The following EXOC4 variants were observed in gnomAD, a reference collection of about 807,000 sequenced individuals.
EXOC4 encodes the protein SEC8-like 1.
EXOC4 carries 71 observed loss-of-function variants against 107.2 expected under a neutral mutation model. That is an observed-to-expected ratio of 0.66 (90% CI 0.55 to 0.81). EXOC4 has a LOEUF of 0.81. Among genes scored for constraint, EXOC4 ranks in the 30% least tolerant of loss-of-function variants. The pLI is 0.00. For missense variants in EXOC4, 1,108 were observed against 1,189.6 expected (o/e 0.93, Z 1.01); for synonymous variants, 456 against 441.2 (o/e 1.03, Z -0.42).
intron 10 of EXOC4, among the ~76,000 whole-genome samples, chr7:133,751,293 T>G (rs1231903612): frequency 1.3e-5 from 2 of 152,166 alleles, no homozygotes; most frequent in Non-Finnish European, 2.9e-5. Context: ...TAGTCACATT[T>G]CTAAGCAGAT....
rs1172098367 is a variant in EXOC4 at position 133,382,499 on chromosome 7, TAC to T, written c.1182+7499_1182+7500del. Among the ~76,000 whole-genome samples the T allele has an allele frequency of 2.0e-5, 3 of 152,156 alleles. No homozygotes were observed. In the East Asian group the frequency reaches 5.8e-4, roughly 29 times the overall value. On this transcript the variant is annotated intron_variant, in intron 7 of 17. Coordinates refer to ENST00000253861, the MANE Select transcript of EXOC4 (RefSeq NM_021807.4). ...GAAGATTTTTGGTTAAGTTTCTATG[TAC>T]AGTTTTACACATGGGGCTGATTTAG...
At chr7:133,896,720 C>G (rs7810870) in intron 12 of EXOC4, among the ~76,000 whole-genome samples, 21,126 of 147,272 alleles carry the variant, frequency 0.14, 1,832 homozygotes, top group African/African-American at 0.23. Flanking sequence ...GGCTGGAGTG[C>G]AATGGCACAA....
At chr7:134,090,848 G>A in the EXOC4 span, among the ~76,000 whole-genome samples, 1 of 151,994 alleles carries the variant, frequency 6.6e-6, no homozygotes, top group Non-Finnish European at 1.5e-5. Context: ...GCATCCCATA[G>A]TGCCAAACCC....
chr7:134,077,318 G>C, the EXOC4 span, among the ~76,000 whole-genome samples: 1 of 152,164 alleles, frequency 6.6e-6, no homozygotes, highest in Admixed American at 6.5e-5. Context: ...TATTCTATCA[G>C]GGCCTTCAAC....
At position 133,270,981 on chromosome 7, in the gene EXOC4, C is replaced by T. The variant is rs540669020; in HGVS notation, c.87-4001C>T. Among the ~76,000 whole-genome samples, 30 of 150,186 alleles carry T rather than the reference C, an allele frequency of 2.0e-4. No homozygotes were observed. The East Asian group carries it at 5.1e-3, about 26-fold the overall frequency. On this transcript the variant is annotated intron_variant, in intron 1 of 17. Coordinates refer to ENST00000253861, the MANE Select transcript of EXOC4 (RefSeq NM_021807.4). ...TTGCCCAGGCTGAAGTGCAGTGGCA[C>T]GATCTCGGCTCACTGCAACCTCCGC...
At chr7:134,009,326 A>G (rs1794715419) in intron 17 of EXOC4, among the ~76,000 whole-genome samples, 1 of 152,228 alleles carries the variant, frequency 6.6e-6, no homozygotes, top group Non-Finnish European at 1.5e-5. Context: ...ATATTACTTC[A>G]ACAATTGTAA....
intron 10 of EXOC4, among the ~76,000 whole-genome samples, chr7:133,744,216 T>C (rs529237019): frequency 1.3e-4 from 20 of 152,148 alleles, no homozygotes; most frequent in Admixed American, 1.2e-3. Flanking sequence ...TATATGAAGA[T>C]ATTTATTGAG....
chr7:133,455,684 G>C (rs1251855377), intron 7 of EXOC4, among the ~76,000 whole-genome samples: 1 of 152,198 alleles, frequency 6.6e-6, no homozygotes, highest in East Asian at 1.9e-4. Flanking sequence ...GCTAATGGTT[G>C]TCCAATGAAT....
intron 13 of EXOC4, among the ~76,000 whole-genome samples, chr7:133,931,182 A>G (rs539716797): frequency 6.6e-5 from 10 of 152,220 alleles, no homozygotes; most frequent in Non-Finnish European, 1.0e-4. Flanking sequence ...TAAACTCAGG[A>G]TTCAACACTG....
chr7:133,936,155 A>G (rs375912437), intron 13 of EXOC4, among the ~76,000 whole-genome samples: 1 of 152,168 alleles, frequency 6.6e-6, no homozygotes, highest in South Asian at 2.1e-4. Context: ...ACCTTTTCCA[A>G]GCCCCTCAGA....
At chr7:133,554,270 C>G (rs1800650264) in intron 9 of EXOC4, among the ~76,000 whole-genome samples, 1 of 152,032 alleles carries the variant, frequency 6.6e-6, no homozygotes. Context: ...ATACTATTCC[C>G]TAGAAATCAT....
At chr7:133,860,857 A>G (rs1037448867) in intron 11 of EXOC4, among the ~76,000 whole-genome samples, 2 of 149,604 alleles carry the variant, frequency 1.3e-5, no homozygotes, top group African/African-American at 4.9e-5. Context: ...TATGATCTCA[A>G]CATGTATGTG....
At chr7:133,457,624 C>T (rs1233288125) in intron 7 of EXOC4, among the ~76,000 whole-genome samples, 1 of 152,168 alleles carries the variant, frequency 6.6e-6, no homozygotes, top group Non-Finnish European at 1.5e-5. Flanking sequence ...AACCTTTCTC[C>T]TTAGAGTTGG....
rs569248266 is a variant in EXOC4, at chr7:133,759,788, T to C, written c.1515-57537T>C. Among the ~76,000 whole-genome samples, 473 of 152,178 alleles carry C rather than the reference T, an allele frequency of 3.1e-3. 4 individuals are homozygous for C. The highest frequency in any genetic ancestry group is 0.011 in the African/African-American group (450 of 41,526). On this transcript the variant is annotated intron_variant, in intron 10 of 17. Coordinates refer to ENST00000253861, the MANE Select transcript of EXOC4 (RefSeq NM_021807.4). ...AAGAAGGAGAAAGGTTATCAGTCCTTGGATGTTGGGGGCGTGGGGGTGGTC... is the reference window on the plus strand; with the variant it reads ...AAGAAGGAGAAAGGTTATCAGTCCTCGGATGTTGGGGGCGTGGGGGTGGTC...
At chr7:133,715,614 A>G (rs1794984214) in intron 10 of EXOC4, among the ~76,000 whole-genome samples, 1 of 152,002 alleles carries the variant, frequency 6.6e-6, no homozygotes, top group South Asian at 2.1e-4. Context: ...AATATAGGAA[A>G]TTTTCTTTTC....
chr7:133,390,419 T>C (rs1330910608), intron 7 of EXOC4, among the ~76,000 whole-genome samples: 1 of 152,104 alleles, frequency 6.6e-6, no homozygotes, highest in African/African-American at 2.4e-5. Context: ...TTTCCGAAGC[T>C]GGAGATTCCA....
chr7:133,607,246 G>A (rs916421181), intron 9 of EXOC4, among the ~76,000 whole-genome samples: 1 of 152,212 alleles, frequency 6.6e-6, no homozygotes, highest in Non-Finnish European at 1.5e-5. Context: ...GTTGAAAGGA[G>A]AACTTAACAC....
Position 133,812,515 on chromosome 7 carries a change from A to G in EXOC4, c.1515-4810A>G, listed in dbSNP as rs1352224154. The stretch of plus-strand genomic sequence containing the variant: ...TGCAGAGTGACACTGAGTGAGGTTC[A>G]TCTCCTGGATGGCTAGGAAGGCTCA... On this transcript the variant is annotated intron_variant, in intron 10 of 17. Transcript: ENST00000253861. Among the ~76,000 whole-genome samples the G allele has an allele frequency of 2.0e-4, 30 of 152,130 alleles. 1 individual carries two copies. The highest frequency in any genetic ancestry group is 1.5e-5 in the Non-Finnish European group (1 of 68,032).
intron 10 of EXOC4, among the ~76,000 whole-genome samples, chr7:133,766,041 C>T (rs773824409): frequency 1.4e-4 from 21 of 151,944 alleles, no homozygotes; most frequent in Non-Finnish European, 2.5e-4. Flanking sequence ...TCAAAATCAA[C>T]TGAACTTTTA....
Sources: allele counts gnomAD v4.1 joint callset (sites outside exome capture counted in the v4.1 genomes callset), GRCh38; gene constraint gnomAD v4.1.1; transcripts MANE v1.5; gene names NCBI Gene and HGNC (gene_info 2026-07-23, HGNC 2026-07-21).